Variants in CCDC68 observed in about 807,000 individuals in gnomAD.
CCDC68 encodes the protein coiled-coil domain containing 68.
A neutral mutation model predicts 47.1 loss-of-function variants in CCDC68; 45 were observed. That is an observed-to-expected ratio of 0.96 (90% CI 0.75 to 1.23). The LOEUF (loss-of-function observed/expected upper bound fraction) is 1.23. Ranked by LOEUF, CCDC68 falls within the 50% of genes most tolerant of loss-of-function variation. The pLI is 0.00. For missense variants in CCDC68, 353 were observed against 373.6 expected (o/e 0.94, Z 0.45); for synonymous variants, 131 against 129.5 (o/e 1.01, Z -0.08).
At chr18:54,916,188 T>G in intron 10 of CCDC68, among the ~76,000 whole-genome samples, 1 of 152,022 alleles carries the variant, frequency 6.6e-6, no homozygotes, top group East Asian at 1.9e-4. Context: ...ATCAAGGCAT[T>G]TTTAGCTGCA....
In CCDC68 at chr18:54,959,409, T is replaced by TCGGCTGCCAGGGC. The variant is rs1366084445; in HGVS notation, c.-189_-177dup. The TCGGCTGCCAGGGC allele has an allele frequency of 1.3e-5, 2 of 151,874 alleles. No homozygotes were observed. Among genetic ancestry groups the TCGGCTGCCAGGGC allele is most frequent in the African/African-American group, 2.4e-5 (1 of 41,322 alleles). 9.4% of individuals were successfully genotyped at this position (151,874 alleles called of 1,614,324 possible). ...GGGCGATCGGACCTTGGGGCCAGGG[T>TCGGCTGCCAGGGC]CGGCTGCCAGGGCCCTGCGAGTGCA... On this transcript the variant is annotated 5_prime_UTR_variant, in exon 1 of 12. Transcript: ENST00000591504.
In CCDC68 at chr18:54,940,979, T is replaced by C; in HGVS notation, c.204+18A>G. On this transcript the variant is annotated intron_variant, in intron 4 of 11. Coordinates refer to ENST00000591504, the MANE Select transcript of CCDC68 (RefSeq NM_025214.3). ...AGTCTAAATGGCTTTATGCTAATCT[T>C]CTGCAGGAAATTATTACCTTTGCAT... 3 of 1,557,772 alleles carry C rather than the reference T, an allele frequency of 1.9e-6. No homozygotes were observed. Among genetic ancestry groups the C allele is most frequent in the Non-Finnish European group, 2.6e-6 (3 of 1,132,880 alleles).
chr18:54,907,864 T>TA lies in CCDC68; in HGVS notation c.874-3dup. Reference sequence around the variant, plus strand: ...TACCTGGGTTTTTAGTTCTTTATTCTAAAATTGAAAAAAAATGCAGACGTC... The same window carrying TA: ...TACCTGGGTTTTTAGTTCTTTATTCTAAAAATTGAAAAAAAATGCAGACGTC... On this transcript the variant is annotated splice_polypyrimidine_tract_variant and splice_region_variant and intron_variant, in intron 10 of 11. Coordinates refer to ENST00000591504, the MANE Select transcript of CCDC68 (RefSeq NM_025214.3). 1.3e-6 allele frequency: 2 copies of TA among 1,570,392 alleles called. No individual in the cohort carries two copies. The highest frequency in any genetic ancestry group is 1.8e-6 in the Non-Finnish European group (2 of 1,140,380).
At chr18:54,929,725 C>T (rs887712622) in intron 7 of CCDC68, among the ~76,000 whole-genome samples, 1 of 152,116 alleles carries the variant, frequency 6.6e-6, no homozygotes, top group African/African-American at 2.4e-5. Context: ...AAATTACTTC[C>T]CGCTGCAGCA....
At chr18:54,911,219 G>GAA (rs1228429682) in intron 10 of CCDC68, among the ~76,000 whole-genome samples, 1 of 116,884 alleles carries the variant, frequency 8.6e-6, no homozygotes, top group East Asian at 2.9e-4. Flanking sequence ...GGCCATTTTT[G>GAA]TATTTTTTTT....
intron 11 of CCDC68, among the ~76,000 whole-genome samples, chr18:54,905,199 A>T (rs80047004): frequency 0.025 from 3,782 of 151,666 alleles, 152 homozygotes; most frequent in African/African-American, 0.084. Context: ...GGTTAAGATG[A>T]GCTATGATTG....
chr18:54,945,707 A>G (rs181869928), intron 1 of CCDC68, among the ~76,000 whole-genome samples: 121 of 152,358 alleles, frequency 7.9e-4, no homozygotes, highest in African/African-American at 2.7e-3. Context: ...TATGGCTTCT[A>G]TTAAATATTT....
Position 54,917,885 on chromosome 18 carries a change from C to T in CCDC68, c.873+28G>A, listed in dbSNP as rs377052278. On this transcript the variant is annotated intron_variant, in intron 10 of 11. Coordinates refer to ENST00000591504, the MANE Select transcript of CCDC68 (RefSeq NM_025214.3). The stretch of plus-strand genomic sequence containing the variant: ...CACACACACACTCACACCCTCACAA[C>T]AAAATGTAAGACAGGTTCCCTCCTT... The T allele has an allele frequency of 2.4e-4, 328 of 1,356,268 alleles. 2 individuals are homozygous for T. Among genetic ancestry groups the T allele is most frequent in the Non-Finnish European group, 8.6e-5 (82 of 949,782 alleles). The allele number at this position is 1,356,268 out of a possible 1,614,324, so 84.0% of individuals were successfully genotyped here.
At chr18:54,947,910 T>C (rs929012597) in intron 1 of CCDC68, among the ~76,000 whole-genome samples, 25 of 152,246 alleles carry the variant, frequency 1.6e-4, no homozygotes, top group African/African-American at 5.1e-4. Flanking sequence ...ACAATGATGC[T>C]AACATCTATT....
chr18:54,936,799 T>C, intron 6 of CCDC68, 34 bp downstream of exon 6: 1 of 1,613,302 alleles, frequency 6.2e-7, no homozygotes, highest in Non-Finnish European at 8.5e-7. Flanking sequence ...GGGTGGGGGC[T>C]AGTTCTCCAA....
At chr18:54,913,222 G>A (rs1419257992) in intron 10 of CCDC68, among the ~76,000 whole-genome samples, 1 of 152,148 alleles carries the variant, frequency 6.6e-6, no homozygotes, top group Non-Finnish European at 1.5e-5. Context: ...CAGCTTTCAG[G>A]ATTAAAGAAA....
chr18:54,947,485 A>G (rs2145617571), intron 1 of CCDC68, among the ~76,000 whole-genome samples: 1 of 152,316 alleles, frequency 6.6e-6, no homozygotes, highest in South Asian at 2.1e-4. Flanking sequence ...GCCTAGTCTC[A>G]TGGCTCCATT....
chr18:54,915,403 A>G (rs1293714510), intron 10 of CCDC68, among the ~76,000 whole-genome samples: 1 of 152,238 alleles, frequency 6.6e-6, no homozygotes, highest in Non-Finnish European at 1.5e-5. Flanking sequence ...AAAATGAATG[A>G]AAGTTTAAAA....
At chr18:54,953,731 T>C (rs1232734107) in intron 1 of CCDC68, among the ~76,000 whole-genome samples, 2 of 152,188 alleles carry the variant, frequency 1.3e-5, no homozygotes, top group Admixed American at 6.5e-5. Context: ...AAGCACTGTT[T>C]ATTAAAGGTG....
intron 10 of CCDC68, among the ~76,000 whole-genome samples, chr18:54,908,468 C>G (rs1226124528): frequency 6.6e-6 from 1 of 152,158 alleles, no homozygotes; most frequent in Non-Finnish European, 1.5e-5. Flanking sequence ...TCTGGGAGTT[C>G]ATGCAACAGC....
At chr18:54,920,646 A>G (rs1472847904) in intron 8 of CCDC68, among the ~76,000 whole-genome samples, 1 of 152,256 alleles carries the variant, frequency 6.6e-6, no homozygotes, top group African/African-American at 2.4e-5. Context: ...ACTATGAGAT[A>G]CCATCTCGCA....
At chr18:54,940,103 C>T (rs2044411153) in intron 4 of CCDC68, among the ~76,000 whole-genome samples, 1 of 152,100 alleles carries the variant, frequency 6.6e-6, no homozygotes, top group African/African-American at 2.4e-5. Flanking sequence ...TAGATCTTCT[C>T]TCATTTCTCT....
In CCDC68 at chr18:54,919,233, A is replaced by G. The variant is rs542826691; in HGVS notation, c.789+38T>C. On this transcript the variant is annotated intron_variant, in intron 9 of 11. Transcript: ENST00000591504. The stretch of plus-strand genomic sequence containing the variant: ...CGTATTTGGGCTCCACGCTGTAAAC[A>G]TACTGTCTACCAGATAAATACACTT... The G allele has an allele frequency of 3.3e-6, 5 of 1,520,376 alleles. No homozygotes were observed. In the South Asian group the frequency reaches 4.5e-5, roughly 14 times the overall value. 94.2% of individuals were successfully genotyped at this position (1,520,376 alleles called of 1,614,324 possible).
chr18:54,935,450 T>C (rs1454044477), intron 6 of CCDC68, among the ~76,000 whole-genome samples: 1 of 152,196 alleles, frequency 6.6e-6, no homozygotes, highest in African/African-American at 2.4e-5. Context: ...TAAGCTACAG[T>C]GGGACTGTGT....
Sources: gnomAD v4.1 joint callset for allele counts (sites outside exome capture counted in the v4.1 genomes callset) on GRCh38, gnomAD v4.1.1 for gene constraint, MANE v1.5 for transcripts, NCBI Gene and HGNC (gene_info 2026-07-23, HGNC 2026-07-21) for gene names.